Variants in TGFBRAP1 observed in about 807,000 individuals in gnomAD.
TGFBRAP1 encodes the protein transforming growth factor beta receptor associated protein 1, also known as transforming growth factor-beta receptor-associated protein 1.
In TGFBRAP1, 20 loss-of-function variants were observed where a neutral mutation model predicts 83.2. That is an observed-to-expected ratio of 0.24 (90% CI 0.17 to 0.35). TGFBRAP1 has a LOEUF of 0.35. Among genes scored for constraint, TGFBRAP1 ranks in the 10% least tolerant of loss-of-function variants. The pLI is 1.00. For synonymous variants in TGFBRAP1, 415 were observed against 459.8 expected (o/e 0.90, Z 1.25); for missense variants, 950 against 1,099.4 (o/e 0.86, Z 1.92).
chr2:105,295,907 T>C (rs897882342), intron 4 of TGFBRAP1, among the ~76,000 whole-genome samples: 1 of 152,100 alleles, frequency 6.6e-6, no homozygotes, highest in South Asian at 2.1e-4. Flanking sequence ...TCAATATGTT[T>C]AGTAAAGCTT....
At chr2:105,270,658 G>A (rs920433143) in intron 10 of TGFBRAP1, among the ~76,000 whole-genome samples, 3 of 152,246 alleles carry the variant, frequency 2.0e-5, no homozygotes, top group Non-Finnish European at 4.4e-5. Context: ...GGCAGACATT[G>A]CTACCTGTGT....
In TGFBRAP1 at chr2:105,307,855, C is replaced by T. The variant is rs1678561974; in HGVS notation, c.447G>A (p.Gln149=). 1 of 1,614,230 alleles carries T rather than the reference C, an allele frequency of 6.2e-7. No individual in the cohort carries two copies. The highest frequency in any genetic ancestry group is 8.5e-7 in the Non-Finnish European group (1 of 1,180,040). The change falls in exon 2 of 12, where the codon CAG becomes CAA. Residue 149 remains glutamine (Q), a synonymous_variant. Transcript: ENST00000393359. ...CIISVKRRTI[Q]MFLVYEDRVQ... ...CCCGGTCCTCGTACACCAGAAACAT[C>T]TGGATGGTTCTGCGTTTGACAGAGA... is the stretch of plus-strand genomic sequence containing the variant.
In TGFBRAP1 at chr2:105,265,733, T is replaced by A. The variant is rs948768360; in HGVS notation, c.*1650A>T. 6.6e-6 allele frequency: 1 copy of A among 152,512 alleles called. No homozygotes were observed. Among genetic ancestry groups the A allele is most frequent in the Non-Finnish European group, 1.5e-5 (1 of 68,050 alleles). The allele number at this position is 152,512 out of a possible 1,614,324, so 9.4% of individuals were successfully genotyped here. On this transcript the variant is annotated 3_prime_UTR_variant, in exon 12 of 12. Transcript: ENST00000393359. ...CAGTTGTGCTACAAGGAGAATTTCT[T>A]CATCATTTATTCTTTAGTTAATTGA...
At chr2:105,298,486 C>G in intron 3 of TGFBRAP1, 25 bp downstream of exon 3, 2 of 1,542,478 alleles carry the variant, frequency 1.3e-6, no homozygotes, top group Non-Finnish European at 1.8e-6. Flanking sequence ...GTAAATTTCA[C>G]TAAGACTTCT....
At chr2:105,315,109 C>A (rs191824925) in intron 1 of TGFBRAP1, among the ~76,000 whole-genome samples, 16 of 151,598 alleles carry the variant, frequency 1.1e-4, no homozygotes, top group Non-Finnish European at 2.4e-4. Flanking sequence ...GTATTTCTAG[C>A]CCCAAAATTA....
chr2:105,263,346 C>G (rs746472261), downstream of TGFBRAP1, among the ~76,000 whole-genome samples: 4 of 152,210 alleles, frequency 2.6e-5, no homozygotes, highest in East Asian at 3.8e-4. Context: ...AAAGCCAATG[C>G]GAGTCCACCC....
rs1676978446 is a variant in TGFBRAP1 at position 105,267,355 on chromosome 2, T to C, written c.*28A>G. The C allele has an allele frequency of 6.2e-7, 1 of 1,610,344 alleles. No homozygotes were observed. Among genetic ancestry groups the C allele is most frequent in the South Asian group, 1.1e-5 (1 of 90,908 alleles). On this transcript the variant is annotated 3_prime_UTR_variant, in exon 12 of 12. Coordinates refer to ENST00000393359, the MANE Select transcript of TGFBRAP1 (RefSeq NM_004257.6). ...CAGCAGGCTCAGAAAGAACTCGGAG[T>C]TCCCCTCGCACCCTTGGGCCAAGCT...
chr2:105,308,061 C>T lies in TGFBRAP1; in HGVS notation c.241G>A (p.Glu81Lys), dbSNP rs548301928. The T allele has an allele frequency of 2.5e-6, 4 of 1,613,796 alleles. No homozygotes were observed. The highest frequency in any genetic ancestry group is 1.1e-5 in the South Asian group (1 of 91,078). ...RHLGFKKPVN[E>K]LRAASALNRL... The stretch of plus-strand genomic sequence containing the variant: ...TTGAGTGCTGAGGCCGCACGCAGCT[C>T]GTTCACGGGCTTCTTGAAGCCCAAG... Residue 81 changes from glutamate to lysine, a missense_variant, in exon 2 of 12, where the codon GAG becomes AAG. Transcript: ENST00000393359.
At position 105,307,844 on chromosome 2, in the gene TGFBRAP1, A is replaced by G. The variant is rs1186473337; in HGVS notation, c.458T>C (p.Val153Ala). 1 of 1,614,202 alleles carries G rather than the reference A, an allele frequency of 6.2e-7. No homozygotes were observed. Among genetic ancestry groups the G allele is most frequent in the Admixed American group, 1.7e-5 (1 of 60,020 alleles). ...VKRRTIQMFL[V>A]YEDRVQIVKE... ...GACGATCTGCACCCGGTCCTCGTAC[A>G]CCAGAAACATCTGGATGGTTCTGCG... Residue 153 changes from valine (V) to alanine (A), a missense_variant, in exon 2 of 12, where the codon GTG (valine) becomes GCG (alanine). By Grantham distance (64) the Val-to-Ala change is moderately conservative. Coordinates refer to ENST00000393359, the MANE Select transcript of TGFBRAP1 (RefSeq NM_004257.6).
chr2:105,268,495 GAA>G (rs1451572418), intron 11 of TGFBRAP1, among the ~76,000 whole-genome samples: 1 of 152,184 alleles, frequency 6.6e-6, no homozygotes, highest in African/African-American at 2.4e-5. Flanking sequence ...AAAAAGGTAA[GAA>G]TATCTCAGGC....
chr2:105,265,227 T>C lies in TGFBRAP1; in HGVS notation c.*2156A>G, dbSNP rs1676880785. On this transcript the variant is annotated 3_prime_UTR_variant, in exon 12 of 12. Transcript: ENST00000393359. The stretch of plus-strand genomic sequence containing the variant: ...GGCTCACGCCTGTAATCCCAGCACT[T>C]TGGGAGGCCGAGGCAGGCAGATCAC... The C allele has an allele frequency of 6.6e-6, 1 of 152,246 alleles. No homozygotes were observed. Among genetic ancestry groups the C allele is most frequent in the African/African-American group, 2.4e-5 (1 of 41,448 alleles). The allele number at this position is 152,246 out of a possible 1,614,324, so 9.4% of individuals were successfully genotyped here.
At chr2:105,322,190 G>C (rs561214900) in intron 1 of TGFBRAP1, among the ~76,000 whole-genome samples, 1 of 152,026 alleles carries the variant, frequency 6.6e-6, no homozygotes, top group Non-Finnish European at 1.5e-5. Context: ...GAAAAAAAAA[G>C]AAAGAAAAAA....
intron 1 of TGFBRAP1, 104 bp from the exon 2 acceptor site, chr2:105,308,422 GA>G (rs1206367225): frequency 4.2e-6 from 5 of 1,181,664 alleles, no homozygotes; most frequent in African/African-American, 1.5e-5. Flanking sequence ...TTTCATTAAA[GA>G]AAGTCATTCC....
intron 1 of TGFBRAP1, among the ~76,000 whole-genome samples, chr2:105,321,473 T>C (rs527534815): frequency 9.2e-5 from 14 of 152,270 alleles, no homozygotes; most frequent in African/African-American, 3.4e-4. Context: ...TGGCCTACAA[T>C]GATGTTTTTC....
chr2:105,318,915 A>C (rs1029158323), intron 1 of TGFBRAP1, among the ~76,000 whole-genome samples: 2 of 152,146 alleles, frequency 1.3e-5, no homozygotes, highest in African/African-American at 4.8e-5. Context: ...GGGCCACATA[A>C]GTATCTCCAC....
intron 4 of TGFBRAP1, among the ~76,000 whole-genome samples, chr2:105,294,461 G>A (rs1678016558): frequency 6.6e-6 from 1 of 152,096 alleles, no homozygotes; most frequent in African/African-American, 2.4e-5. Context: ...AATGGAAAAA[G>A]ATCATTTCCA....
intron 2 of TGFBRAP1, 152 bp from the exon 3 acceptor site, chr2:105,298,857 G>A (rs896638305): frequency 3.1e-6 from 2 of 640,164 alleles, no homozygotes; most frequent in Non-Finnish European, 4.9e-6. Flanking sequence ...ATAATATGCT[G>A]TATGTGTGAA....
intron 2 of TGFBRAP1, among the ~76,000 whole-genome samples, chr2:105,299,981 A>T (rs1350828416): frequency 6.6e-6 from 1 of 152,216 alleles, no homozygotes; most frequent in Non-Finnish European, 1.5e-5. Flanking sequence ...CAGGAGTGCA[A>T]CTGCTGTCAA....
At chr2:105,276,806 A>G (rs770057532) in intron 7 of TGFBRAP1, among the ~76,000 whole-genome samples, 2 of 152,180 alleles carry the variant, frequency 1.3e-5, no homozygotes, top group Non-Finnish European at 2.9e-5. Flanking sequence ...CTGCTCTGCA[A>G]TCAGGTTACC....
Sources: gnomAD v4.1 joint callset for allele counts (sites outside exome capture counted in the v4.1 genomes callset) on GRCh38, gnomAD v4.1.1 for gene constraint, MANE v1.5 for transcripts, NCBI Gene and HGNC (gene_info 2026-07-23, HGNC 2026-07-21) for gene names.